The following KRT20 variants were observed in gnomAD, a reference collection of about 807,000 sequenced individuals.
The protein encoded by KRT20 is keratin 20.
In KRT20, 41 loss-of-function variants were observed where a neutral mutation model predicts 43.0. The observed-to-expected ratio is 0.95, with a 90% CI of 0.74 to 1.24. The LOEUF (loss-of-function observed/expected upper bound fraction) is 1.24, where lower values mean the gene tolerates loss of function less well. Among genes scored for constraint, KRT20 ranks in the 50% most tolerant of loss-of-function variants. The probability of loss-of-function intolerance (pLI) is 0.00; values close to 1 mark genes in which losing one functional copy is unlikely to be tolerated. For synonymous variants in KRT20, 207 were observed against 200.6 expected (o/e 1.03, Z -0.27); for missense variants, 533 against 521.2 (o/e 1.02, Z -0.22).
chr17:40,879,843 A>G lies in KRT20; in HGVS notation c.888T>C (p.Leu296=). ...TGAGATGGGACTGGAGTTCTATCTC[A>G]AGGCTCTGGGAGGTGCGTCTCAGCT... ...LTELRRTSQS[L]EIELQSHLSM... Residue 296 remains leucine (L), a synonymous_variant, in exon 5 of 8, where the codon CTT becomes CTC. Coordinates refer to ENST00000167588, the MANE Select transcript of KRT20 (RefSeq NM_019010.3). The G allele has an allele frequency of 6.2e-7, 1 of 1,613,290 alleles. No homozygotes were observed. The highest frequency in any genetic ancestry group is 8.5e-7 in the Non-Finnish European group (1 of 1,179,910).
At position 40,878,868 on chromosome 17, in the gene KRT20, C is replaced by T. The variant is rs183720922; in HGVS notation, c.919-503G>A. Among the ~76,000 whole-genome samples, 20 of 150,144 alleles carry T rather than the reference C, an allele frequency of 1.3e-4. No individual in the cohort carries two copies. In the East Asian group the frequency reaches 2.6e-3, roughly 19 times the overall value. On this transcript the variant is annotated intron_variant, in intron 5 of 7. Coordinates refer to ENST00000167588, the MANE Select transcript of KRT20 (RefSeq NM_019010.3). ...CCAGGCTGGAGTGCAGTAATGTGAT[C>T]GCAGCTCACTGCAACCTCTGCCTCC...
At chr17:40,878,077 T>C in intron 6 of KRT20, 68 bp downstream of exon 6, 1 of 1,291,036 alleles carries the variant, frequency 7.7e-7, no homozygotes, top group Admixed American at 1.7e-5. Context: ...GGGTAATGAG[T>C]GACAGGGACA....
Position 40,885,097 on chromosome 17 carries a change from C to T in KRT20, c.89G>A (p.Gly30Glu), listed in dbSNP as rs1221728813. ...VVSTVGMQRL[G>E]TTPSVYGGAG... Reference sequence around the variant, plus strand: ...ACCCCCATAAACGCTGGGTGTCGTCCCGAGGCGCTGCATGCCCACTGTACT... The same window carrying T: ...ACCCCCATAAACGCTGGGTGTCGTCTCGAGGCGCTGCATGCCCACTGTACT... The change falls in exon 1 of 8, where the codon GGG becomes GAG. Residue 30 changes from glycine (G) to glutamate (E), a missense_variant. By Grantham distance (98) the Gly-to-Glu change is moderately conservative. Transcript: ENST00000167588. The T allele has an allele frequency of 2.5e-6, 4 of 1,613,926 alleles. No individual in the cohort carries two copies. Among genetic ancestry groups the T allele is most frequent in the Non-Finnish European group, 1.7e-6 (2 of 1,180,048 alleles).
chr17:40,878,073 T>C, intron 6 of KRT20, 72 bp downstream of exon 6: 3 of 1,252,924 alleles, frequency 2.4e-6, no homozygotes, highest in Non-Finnish European at 3.5e-6. Flanking sequence ...TGCTGGGTAA[T>C]GAGTGACAGG....
intron 2 of KRT20, among the ~76,000 whole-genome samples, chr17:40,881,227 CTGTGTGTGTGTGTG>C (rs34632722): frequency 2.1e-5 from 3 of 145,760 alleles, no homozygotes; most frequent in South Asian, 2.3e-4. Flanking sequence ...TACATACACA[CTGTGTGTGTGTGTG>C]TGTGTGTGTG....
In KRT20 at chr17:40,880,212, A is replaced by G. The variant is rs773388125; in HGVS notation, c.680T>C (p.Val227Ala). ...AAGGTTCAGGCCTGGAGCAGCATCA[A>G]CCTCCACATTGACAGTGTTGCCCAG... ...KHLGNTVNVE[V>A]DAAPGLNLGV... is the part of the protein sequence containing the mutation. Residue 227 changes from valine (V) to alanine (A), a missense_variant, in exon 4 of 8, where the codon GTT (valine) becomes GCT (alanine). Physicochemically the swap from Val to Ala is moderately conservative, Grantham distance 64. Coordinates refer to ENST00000167588, the MANE Select transcript of KRT20 (RefSeq NM_019010.3). 5 of 1,613,874 alleles carry G rather than the reference A, an allele frequency of 3.1e-6. No individual in the cohort carries two copies. The highest frequency in any genetic ancestry group is 4.2e-6 in the Non-Finnish European group (5 of 1,179,936).
intron 5 of KRT20, 127 bp downstream of exon 5, chr17:40,879,686 C>T (rs1907500829): frequency 7.8e-6 from 8 of 1,025,196 alleles, no homozygotes; most frequent in Non-Finnish European, 1.1e-5. Flanking sequence ...GTTGTTCGGC[C>T]TGTTTCCCTG....
chr17:40,881,996 C>A (rs542375599), intron 2 of KRT20, among the ~76,000 whole-genome samples: 1 of 152,000 alleles, frequency 6.6e-6, no homozygotes, highest in African/African-American at 2.4e-5. Flanking sequence ...CCTCAGCCTC[C>A]GGAGTAGCTG....
rs746977196 is a variant in KRT20 at position 40,879,973 on chromosome 17, G to A, written c.793-35C>T. ...CAAGAGTGAAAAAAAAATAGTTGAG[G>A]GGTGGAAATAAGAAAGAAAAGACAG... On this transcript the variant is annotated intron_variant, in intron 4 of 7. Coordinates refer to ENST00000167588, the MANE Select transcript of KRT20 (RefSeq NM_019010.3). 4 of 1,603,848 alleles carry A rather than the reference G, an allele frequency of 2.5e-6. No homozygotes were observed. The African/African-American group carries it at 4.0e-5, about 16-fold the overall frequency.
rs769869953 is a variant in KRT20 at position 40,885,083 on chromosome 17, C to T, written c.103G>A (p.Val35Ile). The T allele has an allele frequency of 5.0e-6, 8 of 1,614,000 alleles. No individual in the cohort carries two copies. The highest frequency in any genetic ancestry group is 1.7e-5 in the Admixed American group (1 of 60,002). Residue 35 changes from valine (V) to isoleucine (I), a missense_variant, in exon 1 of 8, where the codon GTT (valine) becomes ATT (isoleucine). Coordinates refer to ENST00000167588, the MANE Select transcript of KRT20 (RefSeq NM_019010.3). ...GMQRLGTTPS[V>I]YGGAGGRGIR... The stretch of plus-strand genomic sequence containing the variant: ...CCCCGGCCTCCAGCACCCCCATAAA[C>T]GCTGGGTGTCGTCCCGAGGCGCTGC...
Position 40,880,664 on chromosome 17 carries a change from T to C in KRT20, c.580A>G (p.Ile194Val). The C allele has an allele frequency of 6.2e-7, 1 of 1,613,016 alleles. No homozygotes were observed. Among genetic ancestry groups the C allele is most frequent in the Non-Finnish European group, 8.5e-7 (1 of 1,179,666 alleles). The change falls in exon 3 of 8, where the codon ATT (isoleucine) becomes GTT (valine). Residue 194 changes from isoleucine (I) to valine (V), a missense_variant. By Grantham distance (29) the Ile-to-Val change is conservative (BLOSUM62 3). Transcript: ENST00000167588. ...GCTAGGTCTTTATTCAGTTCTTCAATTTGAATCTCCAAATCTGTTTTATGT... is the reference window on the plus strand; with the variant it reads ...GCTAGGTCTTTATTCAGTTCTTCAACTTGAATCTCCAAATCTGTTTTATGT... Reference protein sequence around the residue: ...TLHKTDLEIQIEELNKDLALL... With the variant: ...TLHKTDLEIQVEELNKDLALL...
chr17:40,878,959 G>T (rs11867501), intron 5 of KRT20, among the ~76,000 whole-genome samples: 8,873 of 151,996 alleles, frequency 0.058, 651 homozygotes, highest in East Asian at 0.19. Context: ...ACACCACCAT[G>T]CCCAGCTTAT....
At chr17:40,884,734 A>G in intron 1 of KRT20, 62 bp downstream of exon 1, 1 of 1,544,588 alleles carries the variant, frequency 6.5e-7, no homozygotes, top group South Asian at 1.3e-5. Flanking sequence ...CCTAACATAG[A>G]TAACCTCTTG....
Position 40,878,172 on chromosome 17 carries a change from C to A in KRT20, c.1112G>T (p.Arg371Leu), listed in dbSNP as rs147440591. ...TACGTCTTCTCCTTCCAGAAGGCGG[C>A]GGTAAGTAGCAATTTCCTGTTCAAG... ...TRLEQEIATY[R>L]RLLEGEDVKT... Residue 371 changes from arginine to leucine, a missense_variant, in exon 6 of 8, where the codon CGC becomes CTC. Arg to Leu is a moderately radical substitution (Grantham distance 102, BLOSUM62 -2). Transcript: ENST00000167588. The A allele has an allele frequency of 5.6e-6, 9 of 1,613,982 alleles. No homozygotes were observed. In the African/African-American group the frequency reaches 9.3e-5, roughly 17 times the overall value.
At position 40,882,629 on chromosome 17, in the gene KRT20, G is replaced by A. The variant is rs1043856522; in HGVS notation, c.416C>T (p.Ala139Val). ...ATTATCAATTTGCAGGACACACCGA[G>A]CATTTTGCAGTTGAGCATCCTTAAT... ...SQIKDAQLQNARCVLQIDNAK... is the reference protein window; with the variant it reads ...SQIKDAQLQNVRCVLQIDNAK... Residue 139 changes from alanine (A) to valine (V), a missense_variant, in exon 2 of 8, where the codon GCT becomes GTT. Ala to Val is a moderately conservative substitution (Grantham distance 64). Coordinates refer to ENST00000167588, the MANE Select transcript of KRT20 (RefSeq NM_019010.3). 5 of 1,551,370 alleles carry A rather than the reference G, an allele frequency of 3.2e-6. No homozygotes were observed. The African/African-American group carries it at 6.8e-5, about 21-fold the overall frequency.
intron 7 of KRT20, 108 bp downstream of exon 7, chr17:40,877,272 G>T: frequency 2.7e-6 from 2 of 747,624 alleles, no homozygotes; most frequent in Non-Finnish European, 4.5e-6. Flanking sequence ...TTCTGTCACA[G>T]CAGCAGAAAA....
rs1439265018 is a variant in KRT20, at chr17:40,885,104, G to A, written c.82C>T (p.Arg28Cys). 6.2e-7 allele frequency: 1 copy of A among 1,613,898 alleles called. No individual in the cohort carries two copies. The highest frequency in any genetic ancestry group is 8.5e-7 in the Non-Finnish European group (1 of 1,180,014). The change falls in exon 1 of 8, where the codon CGC becomes TGC. Residue 28 changes from arginine to cysteine, a missense_variant. By Grantham distance (180) the Arg-to-Cys change is radical. Transcript: ENST00000167588. ...APVVSTVGMQ[R>C]LGTTPSVYGG... ...TAAACGCTGGGTGTCGTCCCGAGGCGCTGCATGCCCACTGTACTGACTACA... is the reference window on the plus strand; with the variant it reads ...TAAACGCTGGGTGTCGTCCCGAGGCACTGCATGCCCACTGTACTGACTACA...
chr17:40,885,037 C>T lies in KRT20; in HGVS notation c.149G>A (p.Arg50Lys). The change falls in exon 1 of 8, where the codon AGA (arginine) becomes AAA (lysine). Residue 50 changes from arginine to lysine, a missense_variant. Physicochemically the swap from Arg to Lys is conservative, Grantham distance 26. Coordinates refer to ENST00000167588, the MANE Select transcript of KRT20 (RefSeq NM_019010.3). The part of the protein sequence containing the change: ...GGRGIRISNS[R>K]HTVNYGSDLT... ...ATCGCTCCCATAGTTCACCGTGTGTCTGGAGTTGGAGATGCGGATGCCCCG... is the reference window on the plus strand; with the variant it reads ...ATCGCTCCCATAGTTCACCGTGTGTTTGGAGTTGGAGATGCGGATGCCCCG... The T allele has an allele frequency of 6.2e-7, 1 of 1,614,188 alleles. No individual in the cohort carries two copies. Among genetic ancestry groups the T allele is most frequent in the South Asian group, 1.1e-5 (1 of 91,084 alleles).
In KRT20 at chr17:40,879,926, G is replaced by A; in HGVS notation, c.805C>T (p.Gln269Ter). The A allele has an allele frequency of 1.2e-6, 2 of 1,613,816 alleles. No individual in the cohort carries two copies. Among genetic ancestry groups the A allele is most frequent in the Non-Finnish European group, 1.7e-6 (2 of 1,179,950 alleles). Residue 269 changes from glutamine (Q) to a stop codon, truncating the protein, a stop_gained, in exon 5 of 8, where the codon CAG (glutamine) becomes TAG (stop). Transcript: ENST00000167588. LOFTEE classifies it high-confidence loss of function. The stretch of plus-strand genomic sequence containing the variant: ...TCAGTATTCACTGTGACCTGTTGCT[G>A]CAGAACTGCAGTCTACAGTGCCAAG... Reference protein sequence around the residue: ...EQFERQTAVLQQQVTVNTEEL... With the variant: ...EQFERQTAVL
Sources: allele counts gnomAD v4.1 joint callset (sites outside exome capture counted in the v4.1 genomes callset), GRCh38; gene constraint gnomAD v4.1.1; transcripts MANE v1.5; gene names NCBI Gene and HGNC (gene_info 2026-07-23, HGNC 2026-07-21).